The following MYNN variants were observed in gnomAD, a reference collection of about 807,000 sequenced individuals.
The protein encoded by MYNN is myoneurin.
MYNN carries 22 observed loss-of-function variants against 57.2 expected under a neutral mutation model. The observed-to-expected ratio is 0.38, with a 90% CI of 0.27 to 0.55. The LOEUF (loss-of-function observed/expected upper bound fraction) is 0.55. MYNN is among the 20% of genes least tolerant of loss of function. MYNN has a pLI of 0.71. For synonymous variants in MYNN, 241 were observed against 257.1 expected, an observed-to-expected ratio of 0.94 and a Z score of 0.60; for missense variants, 566 against 723.1, an observed-to-expected ratio of 0.78 and a Z score of 2.49.
In MYNN at chr3:169,786,678, A is replaced by C; in HGVS notation, c.1833A>C (p.Ter611CysextTer33). Reference protein sequence around the residue: ...PQLIFLQQLY* With the variant: ...PQLIFLQQLYC ...TGATTTTTTTACAACAATTATACTG[A>C]CTTTGTAAGGAATATGGAATTGCTA... The change falls in exon 8 of 8, where the codon TGA (stop) becomes TGC (cysteine). Residue 611 changes from the stop codon to cysteine (C), a stop_lost. Transcript: ENST00000349841. 2 of 1,610,606 alleles carry C rather than the reference A, an allele frequency of 1.2e-6. No homozygotes were observed. The highest frequency in any genetic ancestry group is 1.7e-6 in the Non-Finnish European group (2 of 1,177,870).
At chr3:169,781,594 A>C (rs566903332) in intron 4 of MYNN, among the ~76,000 whole-genome samples, 31 of 152,346 alleles carry the variant, frequency 2.0e-4, no homozygotes, top group African/African-American at 7.0e-4. Flanking sequence ...GGTGAGAACC[A>C]GCAGAGGTAA....
chr3:169,774,102 C>T, intron 1 of MYNN, 163 bp from the exon 2 acceptor site: 1 of 588,756 alleles, frequency 1.7e-6, no homozygotes, highest in Non-Finnish European at 3.0e-6. Flanking sequence ...ATCAAGGTAA[C>T]CAAAGATAGA....
Position 169,780,765 on chromosome 3 carries a change from AGTT to A in MYNN, c.1220+20_1220+22del. The A allele has an allele frequency of 6.3e-7, 1 of 1,584,174 alleles. No individual in the cohort carries two copies. The highest frequency in any genetic ancestry group is 8.6e-7 in the Non-Finnish European group (1 of 1,168,588). On this transcript the variant is annotated intron_variant, in intron 4 of 7. Coordinates refer to ENST00000349841, the MANE Select transcript of MYNN (RefSeq NM_018657.5). Reference sequence around the variant, plus strand: ...TTCATGCAAGGTAAAAAACCAAATGAGTTGTTTGATCTTTTAGTCTTTTAATCA... The same window carrying A: ...TTCATGCAAGGTAAAAAACCAAATGAGTTTGATCTTTTAGTCTTTTAATCA...
chr3:169,780,383 G>T, intron 3 of MYNN: 1 of 439,648 alleles, frequency 2.3e-6, no homozygotes, highest in Non-Finnish European at 4.0e-6. Flanking sequence ...TTAAAATGCT[G>T]TATGTATTTA....
At chr3:169,778,587 T>G in intron 2 of MYNN, 181 bp from the exon 3 acceptor site, 1 of 504,142 alleles carries the variant, frequency 2.0e-6, no homozygotes, top group Non-Finnish European at 3.4e-6. Context: ...TCTGTAAAAT[T>G]GGAGATTTTT....
In MYNN at chr3:169,788,560, A is replaced by G. The variant is rs1008312273; in HGVS notation, c.*1882A>G. ...TTAATCCAAGCATCTAATGAACAAA[A>G]AACTGCTACAGTGACGTCATAATTC... is the stretch of plus-strand genomic sequence containing the variant. On this transcript the variant is annotated 3_prime_UTR_variant, in exon 8 of 8. Coordinates refer to ENST00000349841, the MANE Select transcript of MYNN (RefSeq NM_018657.5). The G allele has an allele frequency of 1.3e-4, 20 of 152,180 alleles. No homozygotes were observed. Among genetic ancestry groups the G allele is most frequent in the Admixed American group, 1.1e-3 (17 of 15,290 alleles). 9.4% of individuals were successfully genotyped at this position (152,180 alleles called of 1,614,324 possible).
rs1778727772 is a variant in MYNN at position 169,788,250 on chromosome 3, G to A, written c.*1572G>A. 2 of 152,102 alleles carry A rather than the reference G, an allele frequency of 1.3e-5. No homozygotes were observed. The allele number at this position is 152,102 out of a possible 1,614,324, so 9.4% of individuals were successfully genotyped here. ...TTATTTTCATAATAAATTGCCACTGGTGGGACATGGGACTGACTTATTTGA... is the reference window on the plus strand; with the variant it reads ...TTATTTTCATAATAAATTGCCACTGATGGGACATGGGACTGACTTATTTGA... On this transcript the variant is annotated 3_prime_UTR_variant, in exon 8 of 8. Transcript: ENST00000349841.
At chr3:169,780,515 G>A (rs1778479523) in intron 3 of MYNN, 75 bp from the exon 4 acceptor site, 1 of 1,081,096 alleles carries the variant, frequency 9.2e-7, no homozygotes, top group Non-Finnish European at 1.3e-6. Context: ...AGCTAGTACT[G>A]TTGATGAAAT....
rs912938213 is a variant in MYNN at position 169,783,880 on chromosome 3, A to C, written c.1483+320A>C. ...ATAGGTAATACCAAGATAACATCAG[A>C]TTTTCTTACTAAACAGTGTTTAGTA... On this transcript the variant is annotated intron_variant, in intron 6 of 7. Transcript: ENST00000349841. 9.5e-6 allele frequency: 3 copies of C among 316,764 alleles called. No individual in the cohort carries two copies. The Admixed American group carries it at 1.4e-4, about 15-fold the overall frequency. The allele number at this position is 316,764 out of a possible 1,614,324, so 19.6% of individuals were successfully genotyped here.
chr3:169,777,584 A>AC (rs1163188854), intron 2 of MYNN: 1 of 151,946 alleles, frequency 6.6e-6, no homozygotes, highest in Non-Finnish European at 1.5e-5. Flanking sequence ...AGAAAGTTGA[A>AC]CCCCCCAAAG....
In MYNN at chr3:169,786,674, A is replaced by G; in HGVS notation, c.1829A>G (p.Tyr610Cys). Residue 610 changes from tyrosine to cysteine, a missense_variant, in exon 8 of 8, where the codon TAC becomes TGC. Coordinates refer to ENST00000349841, the MANE Select transcript of MYNN (RefSeq NM_018657.5). ...EPQLIFLQQL[Y>C] Reference sequence around the variant, plus strand: ...CAGTTGATTTTTTTACAACAATTATACTGACTTTGTAAGGAATATGGAATT... The same window carrying G: ...CAGTTGATTTTTTTACAACAATTATGCTGACTTTGTAAGGAATATGGAATT... 1 of 1,611,458 alleles carries G rather than the reference A, an allele frequency of 6.2e-7. No homozygotes were observed. Among genetic ancestry groups the G allele is most frequent in the Non-Finnish European group, 8.5e-7 (1 of 1,178,500 alleles).
rs200476514 is a variant in MYNN, at chr3:169,785,558, TA to T, written c.1571-850del. On this transcript the variant is annotated intron_variant, in intron 7 of 7. Coordinates refer to ENST00000349841, the MANE Select transcript of MYNN (RefSeq NM_018657.5). The stretch of plus-strand genomic sequence containing the variant: ...TACTATGTTTTTCTGAGGTAAGTAC[TA>T]AAAAAAACTTAATTTTAACTTGAAG... Among the ~76,000 whole-genome samples, 23 of 151,958 alleles carry T rather than the reference TA, an allele frequency of 1.5e-4. No homozygotes were observed. The East Asian group carries it at 3.7e-3, about 24-fold the overall frequency.
chr3:169,789,669 G>C lies in MYNN; in HGVS notation c.*2991G>C, dbSNP rs2108214029. 1 of 152,236 alleles carries C rather than the reference G, an allele frequency of 6.6e-6. No homozygotes were observed. The highest frequency in any genetic ancestry group is 1.5e-5 in the Non-Finnish European group (1 of 68,048). 9.4% of individuals were successfully genotyped at this position (152,236 alleles called of 1,614,324 possible). A position where few individuals can be genotyped will look rare whatever the true frequency, so the allele number is the denominator to read the frequency against. ...ACCTGACTAATTTTTGTTAGAGATG[G>C]GGTTTCATTCTGTTGGCCAGGCTGG... On this transcript the variant is annotated 3_prime_UTR_variant, in exon 8 of 8. Transcript: ENST00000349841.
chr3:169,775,742 CCT>C (rs531415435), intron 2 of MYNN, among the ~76,000 whole-genome samples: 377 of 152,218 alleles, frequency 2.5e-3, no homozygotes, highest in Non-Finnish European at 4.6e-3. Flanking sequence ...ACTGATAACC[CCT>C]GTTAACCTTT....
intron 2 of MYNN, chr3:169,778,455 T>C (rs1778411638): frequency 4.8e-6 from 1 of 207,176 alleles, no homozygotes; most frequent in South Asian, 1.0e-4. Context: ...AGGTAGTGAG[T>C]TACCATCAGC....
intron 3 of MYNN, 36 bp from the exon 4 acceptor site, chr3:169,780,554 A>G (rs765421865): frequency 2.1e-5 from 32 of 1,504,184 alleles, no homozygotes; most frequent in Non-Finnish European, 2.9e-5. Context: ...CCAAAACACT[A>G]TTTTCTTCTA....
chr3:169,778,759 T>C lies in MYNN; in HGVS notation c.267-9T>C. Reference sequence around the variant, plus strand: ...CAGAATATTGTCATGTAGCCTTGTTTCCTTGCAGTTGGAATGTTAAAGAAA... The same window carrying C: ...CAGAATATTGTCATGTAGCCTTGTTCCCTTGCAGTTGGAATGTTAAAGAAA... On this transcript the variant is annotated splice_polypyrimidine_tract_variant and intron_variant, in intron 2 of 7. Transcript: ENST00000349841. The C allele has an allele frequency of 6.3e-7, 1 of 1,575,880 alleles. No homozygotes were observed.
chr3:169,789,484 G>C lies in MYNN; in HGVS notation c.*2806G>C, dbSNP rs1778763759. ...TATATATGCTGGGGAAGCCCCATAG[G>C]TGATTTTAATGTATACCAAACATGT... is the stretch of plus-strand genomic sequence containing the variant. On this transcript the variant is annotated 3_prime_UTR_variant, in exon 8 of 8. Transcript: ENST00000349841. 1 of 152,158 alleles carries C rather than the reference G, an allele frequency of 6.6e-6. No homozygotes were observed. Among genetic ancestry groups the C allele is most frequent in the Admixed American group, 6.6e-5 (1 of 15,264 alleles). The allele number at this position is 152,158 out of a possible 1,614,324, so 9.4% of individuals were successfully genotyped here. A position where few individuals can be genotyped will look rare whatever the true frequency, so the allele number is the denominator to read the frequency against.
intron 7 of MYNN, among the ~76,000 whole-genome samples, chr3:169,785,948 A>G (rs565575351): frequency 6.6e-6 from 1 of 152,230 alleles, no homozygotes; most frequent in South Asian, 2.1e-4. Flanking sequence ...AATAATATGA[A>G]CAACTTATTA....
Sources: gnomAD v4.1 joint callset for allele counts (sites outside exome capture counted in the v4.1 genomes callset) on GRCh38, gnomAD v4.1.1 for gene constraint, MANE v1.5 for transcripts, NCBI Gene and HGNC (gene_info 2026-07-23, HGNC 2026-07-21) for gene names.